The following MINDY3 variants were observed in gnomAD, a reference collection of about 807,000 sequenced individuals.
MINDY3 encodes ubiquitin carboxyl-terminal hydrolase MINDY-3.
A neutral mutation model predicts 69.2 loss-of-function variants in MINDY3; 38 were observed. That is an observed-to-expected ratio of 0.55 (90% CI 0.42 to 0.72). The LOEUF (loss-of-function observed/expected upper bound fraction) is 0.72, where lower values mean the gene tolerates loss of function less well. Among genes scored for constraint, MINDY3 ranks in the 30% least tolerant of loss-of-function variants. The pLI is 0.00. For synonymous variants in MINDY3, 192 were observed against 180.1 expected (o/e 1.07, Z -0.53); for missense variants, 522 against 519.0 (o/e 1.01, Z -0.06).
chr10:15,795,431 C>T (rs113159478), intron 11 of MINDY3, among the ~76,000 whole-genome samples: 6 of 151,696 alleles, frequency 4.0e-5, no homozygotes, highest in South Asian at 4.2e-4. Context: ...AAGGACTTCA[C>T]GGATACAGCA....
intron 6 of MINDY3, among the ~76,000 whole-genome samples, chr10:15,836,849 G>A (rs1048643786): frequency 5.9e-5 from 9 of 151,726 alleles, no homozygotes; most frequent in Middle Eastern, 3.2e-3. Flanking sequence ...AACTCACACA[G>A]TGATTTTTCA....
At chr10:15,836,475 C>A (rs574518741) in intron 6 of MINDY3, among the ~76,000 whole-genome samples, 1 of 151,650 alleles carries the variant, frequency 6.6e-6, no homozygotes, top group Admixed American at 6.6e-5. Flanking sequence ...AGACATAGTC[C>A]CTAGCATAGA....
rs972150219 is a variant in MINDY3, at chr10:15,851,886, G to A, written c.95-3943C>T. On this transcript the variant is annotated intron_variant, in intron 1 of 14. Transcript: ENST00000277632. The stretch of plus-strand genomic sequence containing the variant: ...AGACACTGTATGATCTATCAATCCA[G>A]CTGACTCTGTTTACACTTACAATCA... Among the ~76,000 whole-genome samples, 6 of 152,220 alleles carry A rather than the reference G, an allele frequency of 3.9e-5. No individual in the cohort carries two copies. The East Asian group carries it at 1.2e-3, about 30-fold the overall frequency.
intron 8 of MINDY3, among the ~76,000 whole-genome samples, chr10:15,829,515 T>C (rs935684819): frequency 6.6e-6 from 1 of 152,154 alleles, no homozygotes; most frequent in Non-Finnish European, 1.5e-5. Context: ...TGAAGGAGAC[T>C]AGTAAAAGAT....
chr10:15,798,335 C>T (rs946776641), intron 10 of MINDY3, among the ~76,000 whole-genome samples: 17 of 151,944 alleles, frequency 1.1e-4, no homozygotes, highest in Non-Finnish European at 4.4e-5. Context: ...TAGAGGGAAG[C>T]AAGTAGAATT....
rs142665795 is a variant in MINDY3 at position 15,837,309 on chromosome 10, C to G, written c.471G>C (p.Ser157=). The G allele has an allele frequency of 5.0e-6, 8 of 1,591,034 alleles. No homozygotes were observed. The South Asian group carries it at 9.2e-5, about 18-fold the overall frequency. The change falls in exon 6 of 15, where the codon TCG becomes TCC. Residue 157 remains serine (S), a synonymous_variant. Transcript: ENST00000277632. ...ERFHALIQKR[S]FRSLPELKDA... ...CTTTTAATTCTGGTAAACTTCTGAA[C>G]GATCTTTTTCTGGGGGAAAAAAAGA...
intron 6 of MINDY3, among the ~76,000 whole-genome samples, chr10:15,836,441 A>T (rs972638520): frequency 2.6e-5 from 4 of 152,034 alleles, no homozygotes; most frequent in African/African-American, 9.7e-5. Flanking sequence ...ATACCATTAA[A>T]AATGCATCCC....
intron 2 of MINDY3, among the ~76,000 whole-genome samples, chr10:15,847,452 A>G (rs1203012607): frequency 6.6e-6 from 1 of 152,238 alleles, no homozygotes; most frequent in Non-Finnish European, 1.5e-5. Context: ...AAAAAGTTAT[A>G]AGCCAGAAAA....
chr10:15,817,255 C>T (rs903100124), intron 9 of MINDY3: 5 of 195,852 alleles, frequency 2.6e-5, no homozygotes, highest in African/African-American at 4.6e-5. Context: ...CATGAAACCT[C>T]AAACCCTAAA....
chr10:15,809,330 T>G lies in MINDY3; in HGVS notation c.882+7505A>C, dbSNP rs2131946035. Among the ~76,000 whole-genome samples the G allele has an allele frequency of 2.0e-5, 3 of 152,330 alleles. No individual in the cohort carries two copies. The South Asian group carries it at 6.2e-4, about 32-fold the overall frequency. On this transcript the variant is annotated intron_variant, in intron 10 of 14. Coordinates refer to ENST00000277632, the MANE Select transcript of MINDY3 (RefSeq NM_024948.4). ...CTTCATCTAATAAGAGCTAGTTTTT[T>G]CTTCTGAAATTAAGGAAAAACAATT...
intron 8 of MINDY3, among the ~76,000 whole-genome samples, chr10:15,826,216 C>T (rs1840077895): frequency 6.6e-6 from 1 of 152,128 alleles, no homozygotes; most frequent in South Asian, 2.1e-4. Flanking sequence ...CGTAGGGAAG[C>T]CAGCCATCGA....
chr10:15,824,479 C>T (rs17137848), intron 8 of MINDY3, among the ~76,000 whole-genome samples: 2,548 of 152,086 alleles, frequency 0.017, 36 homozygotes, highest in Non-Finnish European at 0.027. Flanking sequence ...TGGGATCATC[C>T]GTAAGAGTGT....
chr10:15,837,335 A>AT lies in MINDY3; in HGVS notation c.462-18dup, dbSNP rs1833154763. 1 of 1,533,164 alleles carries AT rather than the reference A, an allele frequency of 6.5e-7. No individual in the cohort carries two copies. The highest frequency in any genetic ancestry group is 8.9e-7 in the Non-Finnish European group (1 of 1,120,278). 95.0% of individuals were successfully genotyped at this position (1,533,164 alleles called of 1,614,324 possible). ...GATCTTTTTCTGGGGGAAAAAAAGA[A>AT]TTAAGTATTGGTATCATGATGAGAT... On this transcript the variant is annotated splice_polypyrimidine_tract_variant and intron_variant, in intron 5 of 14. Coordinates refer to ENST00000277632, the MANE Select transcript of MINDY3 (RefSeq NM_024948.4).
chr10:15,805,424 G>C (rs1340849581), intron 10 of MINDY3, among the ~76,000 whole-genome samples: 1 of 152,056 alleles, frequency 6.6e-6, no homozygotes, highest in Non-Finnish European at 1.5e-5. Flanking sequence ...AATACAGATA[G>C]AGGTACCTGA....
intron 11 of MINDY3, among the ~76,000 whole-genome samples, chr10:15,789,668 T>A (rs1837265843): frequency 6.6e-6 from 1 of 152,202 alleles, no homozygotes. Context: ...AGTAAACCTT[T>A]ACATTTGCAT....
intron 8 of MINDY3, among the ~76,000 whole-genome samples, chr10:15,822,349 C>T (rs1407296598): frequency 2.0e-5 from 3 of 151,934 alleles, no homozygotes; most frequent in Admixed American, 1.3e-4. Context: ...CACACACACA[C>T]GGAGTGGTAT....
At chr10:15,834,965 G>A (rs1832976623) in intron 6 of MINDY3, among the ~76,000 whole-genome samples, 1 of 141,258 alleles carries the variant, frequency 7.1e-6, no homozygotes, top group Non-Finnish European at 1.5e-5. Context: ...AGCCTGTTAA[G>A]GCAACTGATT....
Position 15,779,078 on chromosome 10 carries a change from C to T in MINDY3, c.1252G>A (p.Asp418Asn). 1 of 1,613,594 alleles carries T rather than the reference C, an allele frequency of 6.2e-7. No individual in the cohort carries two copies. Among genetic ancestry groups the T allele is most frequent in the African/African-American group, 1.3e-5 (1 of 75,002 alleles). Residue 418 changes from aspartate to asparagine, a missense_variant, in exon 15 of 15, where the codon GAC becomes AAC. Physicochemically the swap from Asp to Asn is conservative, Grantham distance 23. Transcript: ENST00000277632. ...TGCAGACAGCGTTTAATAGGAGTGTCATCTGTCTGTAGCATGGGATCTTCA... is the reference window on the plus strand; with the variant it reads ...TGCAGACAGCGTTTAATAGGAGTGTTATCTGTCTGTAGCATGGGATCTTCA... ...GFEDPMLQTD[D>N]TPIKRCLQTK...
intron 13 of MINDY3, among the ~76,000 whole-genome samples, chr10:15,782,801 T>G (rs1278832812): frequency 6.6e-6 from 1 of 152,174 alleles, no homozygotes; most frequent in Non-Finnish European, 1.5e-5. Flanking sequence ...TCAGTAATAT[T>G]CAATAAAGAA....
Sources: allele counts gnomAD v4.1 joint callset (sites outside exome capture counted in the v4.1 genomes callset), GRCh38; gene constraint gnomAD v4.1.1; transcripts MANE v1.5; gene names NCBI Gene and HGNC (gene_info 2026-07-23, HGNC 2026-07-21).